ARSG: variants seen among roughly 807,000 people sequenced by gnomAD.
ARSG encodes the protein ASG.
ARSG carries 37 observed loss-of-function variants against 50.5 expected under a neutral mutation model. The ratio of observed to expected loss-of-function variants is 0.73; its 90% CI spans 0.56 to 0.96. The LOEUF (loss-of-function observed/expected upper bound fraction) is 0.96, where lower values mean the gene tolerates loss of function less well. Ranked by LOEUF, ARSG falls within the 50% of genes least tolerant of loss-of-function variation. The probability of loss-of-function intolerance (pLI) is 0.00; values close to 1 mark genes in which losing one functional copy is unlikely to be tolerated. For synonymous variants in ARSG, 225 were observed against 254.6 expected, an observed-to-expected ratio of 0.88 and a Z score of 1.11; for missense variants, 629 against 675.3, an observed-to-expected ratio of 0.93 and a Z score of 0.76.
chr17:68,329,068 C>G (rs996109036), intron 2 of ARSG, among the ~76,000 whole-genome samples: 2 of 152,180 alleles, frequency 1.3e-5, no homozygotes, highest in Admixed American at 1.3e-4. Flanking sequence ...GGGACAAACT[C>G]GAACAGTGCT....
the ARSG span, chr17:68,450,788 G>T: frequency 6.2e-7 from 1 of 1,613,960 alleles, no homozygotes; most frequent in Non-Finnish European, 8.5e-7. Context: ...AGATCTCTGT[G>T]CCTTTCTTGA....
At chr17:68,313,699 A>ATTTTT (rs1555767540) in intron 2 of ARSG, among the ~76,000 whole-genome samples, 1 of 21,498 alleles carries the variant, frequency 4.7e-5, no homozygotes, top group Non-Finnish European at 2.0e-4. Flanking sequence ...TTTTTTTTTG[A>ATTTTT]GACACAGTTT....
chr17:68,323,461 G>T (rs2077375553), intron 2 of ARSG, among the ~76,000 whole-genome samples: 1 of 151,986 alleles, frequency 6.6e-6, no homozygotes, highest in South Asian at 2.1e-4. Flanking sequence ...TGTTGCCGAG[G>T]CTGATTTTGA....
chr17:68,413,315 CTGTT>C (rs1292176359), intron 11 of ARSG, among the ~76,000 whole-genome samples: 4 of 152,136 alleles, frequency 2.6e-5, no homozygotes, highest in African/African-American at 9.7e-5. Context: ...GATGTCCTTT[CTGTT>C]TGTTAGTTTT....
chr17:68,317,181 G>A (rs898404954), intron 2 of ARSG, among the ~76,000 whole-genome samples: 5 of 151,976 alleles, frequency 3.3e-5, no homozygotes, highest in South Asian at 2.1e-4. Context: ...AGAATCTTTC[G>A]GTGACTTCAT....
chr17:68,396,799 C>T (rs1172383771), intron 10 of ARSG, among the ~76,000 whole-genome samples: 1 of 152,182 alleles, frequency 6.6e-6, no homozygotes, highest in Non-Finnish European at 1.5e-5. Context: ...GAGAGGTGTT[C>T]TGAAGTCCTG....
chr17:68,398,620 T>C (rs1268786923), intron 10 of ARSG, among the ~76,000 whole-genome samples: 4 of 152,218 alleles, frequency 2.6e-5, no homozygotes, highest in African/African-American at 9.6e-5. Flanking sequence ...CTGGGAACAA[T>C]ATGCCAATGC....
chr17:68,325,366 G>A (rs551326532), intron 2 of ARSG, among the ~76,000 whole-genome samples: 1 of 152,024 alleles, frequency 6.6e-6, no homozygotes, highest in South Asian at 2.1e-4. Flanking sequence ...CAAGCTCAGG[G>A]CTCCCACTTG....
At chr17:68,320,053 AAGG>A (rs2077218558) in intron 2 of ARSG, among the ~76,000 whole-genome samples, 1 of 151,974 alleles carries the variant, frequency 6.6e-6, no homozygotes. Flanking sequence ...TTGGGAGGCC[AAGG>A]TGGGCAGACT....
At chr17:68,358,220 A>AAAAAT (rs1452297557) in intron 6 of ARSG, among the ~76,000 whole-genome samples, 3 of 151,274 alleles carry the variant, frequency 2.0e-5, no homozygotes, top group Non-Finnish European at 4.4e-5. Context: ...ATATAAAATG[A>AAAAAT]AAAATAAAAT....
chr17:68,276,797 A>G (rs1330554737), intron 1 of ARSG, among the ~76,000 whole-genome samples: 1 of 152,088 alleles, frequency 6.6e-6, no homozygotes, highest in Non-Finnish European at 1.5e-5. Context: ...TTTCTCTTAG[A>G]AAACCCTTGG....
At chr17:68,445,793 T>C in the ARSG span, among the ~76,000 whole-genome samples, 5 of 152,216 alleles carry the variant, frequency 3.3e-5, no homozygotes, top group African/African-American at 4.8e-5. Flanking sequence ...GGGCAGCTCC[T>C]CGCACATCTG....
At chr17:68,384,889 C>A (rs528713756) in intron 8 of ARSG, among the ~76,000 whole-genome samples, 175 bp from the exon 9 acceptor site, 4 of 152,240 alleles carry the variant, frequency 2.6e-5, no homozygotes, top group Admixed American at 2.6e-4. Flanking sequence ...AAATAAAAAG[C>A]ATATTTTGAA....
chr17:68,414,707 C>T (rs1025248304), intron 11 of ARSG, among the ~76,000 whole-genome samples: 3 of 152,108 alleles, frequency 2.0e-5, no homozygotes, highest in Admixed American at 6.5e-5. Context: ...ATTTTAATCT[C>T]GCTGCTTGTT....
At chr17:68,272,997 T>G (rs2075390561) in intron 1 of ARSG, among the ~76,000 whole-genome samples, 1 of 152,144 alleles carries the variant, frequency 6.6e-6, no homozygotes, top group Non-Finnish European at 1.5e-5. Flanking sequence ...TTTTTTTTTT[T>G]TATCTTTGCA....
intron 2 of ARSG, among the ~76,000 whole-genome samples, chr17:68,319,259 G>C (rs1262911965): frequency 6.6e-6 from 1 of 152,192 alleles, no homozygotes; most frequent in Non-Finnish European, 1.5e-5. Flanking sequence ...CTTGTCCTCT[G>C]ACCTTCACCA....
At chr17:68,364,046 C>G (rs2079423466) in intron 6 of ARSG, among the ~76,000 whole-genome samples, 1 of 152,156 alleles carries the variant, frequency 6.6e-6, no homozygotes, top group South Asian at 2.1e-4. Flanking sequence ...CAGGCACCAT[C>G]TGGGGACACT....
At chr17:68,298,488 G>T (rs2076288543) in intron 1 of ARSG, among the ~76,000 whole-genome samples, 1 of 151,296 alleles carries the variant, frequency 6.6e-6, no homozygotes, top group Non-Finnish European at 1.5e-5. Context: ...CCAGCTACTT[G>T]TGAGGCTGAG....
chr17:68,264,029 TGTATTTTTA>T, intron 1 of ARSG, among the ~76,000 whole-genome samples: 1 of 152,134 alleles, frequency 6.6e-6, no homozygotes, highest in Non-Finnish European at 1.5e-5. Flanking sequence ...GGCTAATTTT[TGTATTTTTA>T]GTAGAGACAG....
Sources: gnomAD v4.1 joint callset for allele counts (sites outside exome capture counted in the v4.1 genomes callset) on GRCh38, gnomAD v4.1.1 for gene constraint, MANE v1.5 for transcripts, NCBI Gene and HGNC (gene_info 2026-07-23, HGNC 2026-07-21) for gene names.